Variants in KIAA1217 observed in about 807,000 individuals in gnomAD.
KIAA1217 encodes KIAA1217.
In KIAA1217, 88 loss-of-function variants were observed where a neutral mutation model predicts 163.9. That is an observed-to-expected ratio of 0.54 (90% CI 0.45 to 0.64). KIAA1217 has a LOEUF of 0.64. Ranked by LOEUF, KIAA1217 falls within the 30% of genes least tolerant of loss-of-function variation. The probability of loss-of-function intolerance (pLI) is 0.00; values close to 1 mark genes in which losing one functional copy is unlikely to be tolerated. For missense variants in KIAA1217, 2,372 were observed against 2,475.0 expected (o/e 0.96, Z 0.88); for synonymous variants, 903 against 923.1 (o/e 0.98, Z 0.39).
At chr10:24,478,228 T>C (rs1176111397) in intron 6 of KIAA1217, among the ~76,000 whole-genome samples, 2 of 152,214 alleles carry the variant, frequency 1.3e-5, no homozygotes, top group Non-Finnish European at 2.9e-5. Flanking sequence ...ATGCATACTT[T>C]GAAGACATCC....
intron 2 of KIAA1217, among the ~76,000 whole-genome samples, chr10:24,247,051 G>A (rs1311565793): frequency 6.7e-6 from 1 of 148,842 alleles, no homozygotes; most frequent in Non-Finnish European, 1.5e-5. Context: ...TTAAATGCAT[G>A]TTCATGCTTA....
chr10:24,457,915 G>A (rs1468172123), intron 5 of KIAA1217, among the ~76,000 whole-genome samples: 2 of 152,194 alleles, frequency 1.3e-5, no homozygotes, highest in Non-Finnish European at 2.9e-5. Context: ...GCTACTCAGT[G>A]TCAGGAGTAC....
At chr10:23,842,172 A>ACTTT (rs1429664682) in intron 1 of KIAA1217, among the ~76,000 whole-genome samples, 1 of 152,034 alleles carries the variant, frequency 6.6e-6, no homozygotes, top group East Asian at 1.9e-4. Context: ...CCGGCATAGG[A>ACTTT]CTTTCTTTCT....
chr10:24,420,068 G>T (rs1039616395), intron 3 of KIAA1217, among the ~76,000 whole-genome samples: 1 of 152,014 alleles, frequency 6.6e-6, no homozygotes, highest in African/African-American at 2.4e-5. Flanking sequence ...TTTTCTCTGC[G>T]ATGGTCAGCT....
At chr10:24,390,955 T>C (rs776871440) in intron 3 of KIAA1217, among the ~76,000 whole-genome samples, 1 of 152,200 alleles carries the variant, frequency 6.6e-6, no homozygotes, top group Non-Finnish European at 1.5e-5. Context: ...TGTGGATTCA[T>C]GATGCATTTG....
chr10:23,759,087 GT>G lies in KIAA1217; in HGVS notation c.-321+63856del, dbSNP rs1834103817. On this transcript the variant is annotated intron_variant, in intron 1 of 18. Coordinates refer to the KIAA1217 transcript ENST00000376462. ...TTTCCACTTATTTATTTCTTCTTTA[GT>G]TTGTTTCAGAACTGTTTTATAGTTT... 2.0e-5 allele frequency among the ~76,000 whole-genome samples: 3 copies of G among 151,942 alleles called. No homozygotes were observed. In the South Asian group the frequency reaches 6.2e-4, roughly 31 times the overall value.
At chr10:23,820,487 AT>A in intron 1 of KIAA1217, among the ~76,000 whole-genome samples, 1 of 152,196 alleles carries the variant, frequency 6.6e-6, no homozygotes, top group South Asian at 2.1e-4. Flanking sequence ...AAAATATTCT[AT>A]TGTTCACTGA....
chr10:24,024,619 T>C (rs1300991721), intron 2 of KIAA1217, among the ~76,000 whole-genome samples: 1 of 151,730 alleles, frequency 6.6e-6, no homozygotes, highest in Non-Finnish European at 1.5e-5. Flanking sequence ...TAAATACATA[T>C]CAAATTTTAT....
intron 2 of KIAA1217, among the ~76,000 whole-genome samples, chr10:24,062,656 T>C (rs942285202): frequency 1.3e-5 from 2 of 152,156 alleles, no homozygotes; most frequent in South Asian, 2.1e-4. Flanking sequence ...ATATACCCAG[T>C]AATGGGATGG....
chr10:24,371,308 C>T (rs949817739), intron 2 of KIAA1217, among the ~76,000 whole-genome samples: 1 of 152,014 alleles, frequency 6.6e-6, no homozygotes, highest in African/African-American at 2.4e-5. Flanking sequence ...AACCAAACCT[C>T]TTCAAGGGAA....
chr10:23,780,479 A>G (rs1835207002), intron 1 of KIAA1217, among the ~76,000 whole-genome samples: 1 of 152,174 alleles, frequency 6.6e-6, no homozygotes, highest in African/African-American at 2.4e-5. Flanking sequence ...GATTTTGTAT[A>G]TAAGTGAGAT....
intron 2 of KIAA1217, among the ~76,000 whole-genome samples, chr10:24,340,556 A>G (rs2046962841): frequency 6.6e-6 from 1 of 152,038 alleles, no homozygotes; most frequent in Non-Finnish European, 1.5e-5. Flanking sequence ...ACAAACTAAT[A>G]CAGCCGGTTA....
intron 5 of KIAA1217, among the ~76,000 whole-genome samples, chr10:24,448,306 C>T (rs2061130237): frequency 2.0e-5 from 3 of 152,096 alleles, no homozygotes; most frequent in African/African-American, 7.2e-5. Context: ...AACTAAATCC[C>T]TAGACAACAA....
intron 2 of KIAA1217, among the ~76,000 whole-genome samples, chr10:24,239,692 TGTGTTTG>T (rs773747525): frequency 3.5e-5 from 5 of 140,988 alleles, no homozygotes; most frequent in African/African-American, 1.0e-4. Flanking sequence ...TGTGTGTGTG[TGTGTTTG>T]TGTGTGTGTG....
At chr10:24,535,048 C>T (rs1251495303) in intron 16 of KIAA1217, among the ~76,000 whole-genome samples, 1 of 152,164 alleles carries the variant, frequency 6.6e-6, no homozygotes, top group Non-Finnish European at 1.5e-5. Context: ...CTTCTCAAGG[C>T]AGGACAAGGA....
intron 1 of KIAA1217, among the ~76,000 whole-genome samples, chr10:23,893,483 C>G (rs1841508043): frequency 6.6e-6 from 1 of 151,974 alleles, no homozygotes; most frequent in African/African-American, 2.4e-5. Flanking sequence ...TTTTGTGTCT[C>G]TATTTCCTTC....
At chr10:23,719,125 T>C (rs1290971806) in intron 1 of KIAA1217, among the ~76,000 whole-genome samples, 3 of 152,184 alleles carry the variant, frequency 2.0e-5, no homozygotes, top group Non-Finnish European at 4.4e-5. Context: ...AGCAGCTCTA[T>C]TGACAATGAC....
At chr10:24,294,203 A>AAG (rs2079439959) in intron 2 of KIAA1217, among the ~76,000 whole-genome samples, 1 of 151,166 alleles carries the variant, frequency 6.6e-6, no homozygotes, top group South Asian at 2.1e-4. Flanking sequence ...AAAAAAAAAA[A>AAG]AAAAAAAAAA....
chr10:23,887,301 T>C (rs1841222762), intron 1 of KIAA1217, among the ~76,000 whole-genome samples: 1 of 151,934 alleles, frequency 6.6e-6, no homozygotes, highest in Admixed American at 6.6e-5. Flanking sequence ...AAAAATAGAT[T>C]GTGTCAATGC....
Sources: gnomAD v4.1 joint callset for allele counts (sites outside exome capture counted in the v4.1 genomes callset) on GRCh38, gnomAD v4.1.1 for gene constraint, MANE v1.5 for transcripts, NCBI Gene and HGNC (gene_info 2026-07-23, HGNC 2026-07-21) for gene names.